Variants in CPHXL2 observed in about 807,000 individuals in gnomAD.
CPHXL2 encodes the protein cytoplasmic polyadenylated homeobox like 2.
chr16:75,666,793 A>G, the CPHXL2 span, among the ~76,000 whole-genome samples: 1 of 152,134 alleles, frequency 6.6e-6, no homozygotes, highest in African/African-American at 2.4e-5. Flanking sequence ...ATTAATCAGC[A>G]CATGGAATTT....
the CPHXL2 span, among the ~76,000 whole-genome samples, chr16:75,675,413 C>A: frequency 6.6e-6 from 1 of 152,020 alleles, no homozygotes; most frequent in East Asian, 1.9e-4. Flanking sequence ...TAAGCCCTCA[C>A]ATTTCCAGAC....
the CPHXL2 span, among the ~76,000 whole-genome samples, chr16:75,675,804 C>A: frequency 1.3e-5 from 2 of 152,132 alleles, no homozygotes; most frequent in South Asian, 4.1e-4. Flanking sequence ...ACAGGCCAGG[C>A]ATGGTGGCTC....
chr16:75,669,455 G>C, the CPHXL2 span: 1 of 400,544 alleles, frequency 2.5e-6, no homozygotes, highest in African/African-American at 2.1e-5. Context: ...ATTTCCTTAA[G>C]TTCCTGCAAT....
At chr16:75,672,245 C>G in the CPHXL2 span, among the ~76,000 whole-genome samples, 1 of 151,318 alleles carries the variant, frequency 6.6e-6, no homozygotes, top group Non-Finnish European at 1.5e-5. Flanking sequence ...CACCACTGCA[C>G]TCCTGCCTGG....
chr16:75,661,680 A>G, the CPHXL2 span, among the ~76,000 whole-genome samples: 4 of 152,140 alleles, frequency 2.6e-5, no homozygotes, highest in Non-Finnish European at 1.5e-5. Flanking sequence ...ACCAGGAAGA[A>G]TTAATAATGT....
chr16:75,663,068 GGGATTACAGGCGT>G, the CPHXL2 span, among the ~76,000 whole-genome samples: 4 of 152,320 alleles, frequency 2.6e-5, no homozygotes, highest in Non-Finnish European at 5.9e-5. Context: ...CCAAAGTGCG[GGGATTACAGGCGT>G]GAGCCACTCA....
chr16:75,662,715 T>C, the CPHXL2 span, among the ~76,000 whole-genome samples: 1 of 152,128 alleles, frequency 6.6e-6, no homozygotes, highest in Non-Finnish European at 1.5e-5. Context: ...ATACCCAAAT[T>C]ATTCAGGCTT....
At chr16:75,666,778 A>G in the CPHXL2 span, among the ~76,000 whole-genome samples, 1 of 152,182 alleles carries the variant, frequency 6.6e-6, no homozygotes. Context: ...CAGAATGTAC[A>G]TTCTATTAAT....
At chr16:75,661,104 G>A in the CPHXL2 span, 1 of 400,718 alleles carries the variant, frequency 2.5e-6, no homozygotes, top group East Asian at 3.6e-5. Context: ...ACTCTGCTCT[G>A]TGGCATAGTT....
chr16:75,663,694 T>G, the CPHXL2 span, among the ~76,000 whole-genome samples: 1 of 152,040 alleles, frequency 6.6e-6, no homozygotes, highest in Middle Eastern at 3.4e-3. Flanking sequence ...CCATACTGGC[T>G]AACATGGTGA....
chr16:75,666,969 T>A, the CPHXL2 span, among the ~76,000 whole-genome samples: 1 of 152,082 alleles, frequency 6.6e-6, no homozygotes, highest in Non-Finnish European at 1.5e-5. Flanking sequence ...AATAACCTGT[T>A]CGTGAATGAT....
At chr16:75,671,840 G>A in the CPHXL2 span, among the ~76,000 whole-genome samples, 1 of 152,230 alleles carries the variant, frequency 6.6e-6, no homozygotes, top group Non-Finnish European at 1.5e-5. Flanking sequence ...AAAAGAGAGA[G>A]GAGGCAAGGT....
the CPHXL2 span, among the ~76,000 whole-genome samples, chr16:75,666,596 GA>G: frequency 9.8e-6 from 1 of 102,066 alleles, no homozygotes; most frequent in Non-Finnish European, 1.8e-5. Flanking sequence ...CAACAAGAGT[GA>G]AACTCTATCT....
the CPHXL2 span, among the ~76,000 whole-genome samples, chr16:75,676,391 A>G: frequency 6.6e-6 from 1 of 152,170 alleles, no homozygotes; most frequent in Non-Finnish European, 1.5e-5. Flanking sequence ...TGGCATGATC[A>G]TAGCTTATGG....
chr16:75,669,244 A>G, the CPHXL2 span: 1 of 394,568 alleles, frequency 2.5e-6, no homozygotes, highest in African/African-American at 2.1e-5. Flanking sequence ...TGAGCCCAGG[A>G]AGTTGAGGCT....
At chr16:75,664,128 C>A in the CPHXL2 span, among the ~76,000 whole-genome samples, 1 of 152,138 alleles carries the variant, frequency 6.6e-6, no homozygotes, top group Non-Finnish European at 1.5e-5. Context: ...ACTTGTCCTG[C>A]CTTTCCAGAC....
At chr16:75,669,485 G>A in the CPHXL2 span, 5 of 400,302 alleles carry the variant, frequency 1.2e-5, no homozygotes, top group Non-Finnish European at 2.2e-5. Flanking sequence ...GAAAATTTAT[G>A]TCGGTGTTTT....
the CPHXL2 span, among the ~76,000 whole-genome samples, chr16:75,665,356 C>T: frequency 1.3e-5 from 2 of 152,206 alleles, no homozygotes. Context: ...AAACAATTAT[C>T]AGCCAAGAAT....
the CPHXL2 span, among the ~76,000 whole-genome samples, chr16:75,661,728 A>G: frequency 6.6e-6 from 1 of 152,130 alleles, no homozygotes; most frequent in South Asian, 2.1e-4. Context: ...TATGCACATA[A>G]TTCTTACATA....
Sources: gnomAD v4.1 joint callset for allele counts (sites outside exome capture counted in the v4.1 genomes callset) on GRCh38, gnomAD v4.1.1 for gene constraint, MANE v1.5 for transcripts, NCBI Gene and HGNC (gene_info 2026-07-23, HGNC 2026-07-21) for gene names.